Variants in CES5A observed in about 807,000 individuals in gnomAD.
The protein encoded by CES5A is carboxylesterase 5A, also known as carboxylesterase 5.
In CES5A, 67 loss-of-function variants were observed where a neutral mutation model predicts 62.9. The observed-to-expected ratio is 1.07, with a 90% CI of 0.88 to 1.31. CES5A has a LOEUF of 1.31. Among genes scored for constraint, CES5A ranks in the 50% most tolerant of loss-of-function variants. CES5A has a pLI of 0.00. For missense variants in CES5A, 748 were observed against 708.5 expected, an observed-to-expected ratio of 1.06 and a Z score of -0.63; for synonymous variants, 296 against 280.8, an observed-to-expected ratio of 1.05 and a Z score of -0.54.
chr16:55,953,296 C>CTATTA (rs1353868939), intron 1 of CES5A, among the ~76,000 whole-genome samples: 1 of 152,056 alleles, frequency 6.6e-6, no homozygotes, highest in Admixed American at 6.6e-5. Flanking sequence ...TCTATAATCA[C>CTATTA]TATTACTTTT....
intron 2 of CES5A, among the ~76,000 whole-genome samples, chr16:55,943,342 C>A (rs951046099): frequency 6.6e-6 from 1 of 152,170 alleles, no homozygotes; most frequent in Admixed American, 6.5e-5. Context: ...GAGGGAGCGA[C>A]TCCCAAGGTC....
intron 8 of CES5A, among the ~76,000 whole-genome samples, chr16:55,857,833 T>G (rs1161548079): frequency 1.3e-5 from 2 of 152,082 alleles, no homozygotes; most frequent in African/African-American, 2.4e-5. Context: ...GATGAAGGAA[T>G]GGAAGCTCAG....
In CES5A at chr16:55,863,336, C is replaced by G. The variant is rs777354497; in HGVS notation, c.810+12G>C. ...GGAGAGGAAGGTGGCAAGGTGTTAA[C>G]AGTATACGTACGTCCTCACTCTTCT... On this transcript the variant is annotated intron_variant, in intron 6 of 12. Transcript: ENST00000290567. 9.7e-6 allele frequency: 13 copies of G among 1,340,950 alleles called. No homozygotes were observed. Among genetic ancestry groups the G allele is most frequent in the Non-Finnish European group, 1.4e-5 (13 of 931,402 alleles). The allele number at this position is 1,340,950 out of a possible 1,614,324, so 83.1% of individuals were successfully genotyped here.
intron 3 of CES5A, 55 bp downstream of exon 3, chr16:55,871,570 T>C (rs2033585705): frequency 6.2e-7 from 1 of 1,603,286 alleles, no homozygotes; most frequent in Non-Finnish European, 8.5e-7. Context: ...ACTGCCTGGA[T>C]CCCAGGCCAA....
At chr16:55,859,153 C>T (rs1239478545) in intron 8 of CES5A, among the ~76,000 whole-genome samples, 2 of 152,218 alleles carry the variant, frequency 1.3e-5, no homozygotes, top group African/African-American at 2.4e-5. Context: ...GTCAAAATGC[C>T]AGAACCAAGG....
At chr16:55,916,606 TG>T (rs2142455094) in intron 1 of CES5A, among the ~76,000 whole-genome samples, 1 of 152,340 alleles carries the variant, frequency 6.6e-6, no homozygotes, top group South Asian at 2.1e-4. Context: ...CCATCAAACT[TG>T]CTTCAGCTAT....
chr16:55,894,498 C>CAAAAAAAAAAAAAA (rs370359945), intron 1 of CES5A, among the ~76,000 whole-genome samples: 4 of 102,930 alleles, frequency 3.9e-5, no homozygotes, highest in Non-Finnish European at 7.4e-5. Context: ...AACTCTGTCT[C>CAAAAAAAAAAAAAA]AAAAAAAAAA....
At chr16:55,864,859 G>C (rs2033424335) in intron 5 of CES5A, among the ~76,000 whole-genome samples, 1 of 151,082 alleles carries the variant, frequency 6.6e-6, no homozygotes, top group Non-Finnish European at 1.5e-5. Flanking sequence ...AATGAACTAT[G>C]ATCGCCCCAC....
chr16:55,865,415 G>A (rs1282297323), intron 5 of CES5A, among the ~76,000 whole-genome samples: 1 of 152,094 alleles, frequency 6.6e-6, no homozygotes, highest in Non-Finnish European at 1.5e-5. Context: ...CTGCTTTGCA[G>A]GCATCTTTAA....
At chr16:55,886,399 G>A (rs2033815700) in intron 1 of CES5A, among the ~76,000 whole-genome samples, 2 of 152,186 alleles carry the variant, frequency 1.3e-5, no homozygotes, top group Admixed American at 1.3e-4. Flanking sequence ...GGGACAGTGT[G>A]TAGATCTTTG....
chr16:55,907,983 A>G (rs570821824), intron 1 of CES5A, among the ~76,000 whole-genome samples: 1 of 152,050 alleles, frequency 6.6e-6, no homozygotes, highest in African/African-American at 2.4e-5. Flanking sequence ...CCCTCTCAAA[A>G]CTGTTAGAAA....
chr16:55,934,633 A>G (rs1348562649), intron 2 of CES5A, among the ~76,000 whole-genome samples: 1 of 151,476 alleles, frequency 6.6e-6, no homozygotes, highest in Admixed American at 6.6e-5. Context: ...AAATAGAACC[A>G]ATAGAAACCA....
At chr16:55,891,579 G>A (rs574077439) in intron 1 of CES5A, among the ~76,000 whole-genome samples, 5 of 152,306 alleles carry the variant, frequency 3.3e-5, no homozygotes, top group African/African-American at 1.2e-4. Context: ...CAGGTCACAG[G>A]TAGGTGACAG....
intron 2 of CES5A, among the ~76,000 whole-genome samples, chr16:55,872,521 T>A (rs1043499035): frequency 1.7e-4 from 26 of 152,228 alleles, no homozygotes; most frequent in Admixed American, 1.3e-4. Flanking sequence ...TTTAGTCACC[T>A]CTGTACCTCA....
At chr16:55,953,386 T>C (rs962590606) in intron 1 of CES5A, among the ~76,000 whole-genome samples, 1 of 152,136 alleles carries the variant, frequency 6.6e-6, no homozygotes, top group Non-Finnish European at 1.5e-5. Flanking sequence ...GACAAAACTG[T>C]TAGTATATGC....
intron 2 of CES5A, among the ~76,000 whole-genome samples, chr16:55,934,159 T>G (rs1224976315): frequency 6.6e-6 from 1 of 152,208 alleles, no homozygotes; most frequent in Non-Finnish European, 1.5e-5. Context: ...TTAATCCCCT[T>G]TACTCTATCA....
At chr16:55,901,241 A>G (rs1779260941) in intron 1 of CES5A, among the ~76,000 whole-genome samples, 1 of 152,148 alleles carries the variant, frequency 6.6e-6, no homozygotes, top group African/African-American at 2.4e-5. Context: ...TGACTTTGCC[A>G]TTTATTCGCC....
intron 1 of CES5A, among the ~76,000 whole-genome samples, chr16:55,884,342 C>T (rs1451251730): frequency 6.6e-6 from 1 of 152,218 alleles, no homozygotes; most frequent in African/African-American, 2.4e-5. Flanking sequence ...ATAGATATCA[C>T]ACTCCCTTAA....
At chr16:55,942,923 G>A (rs2034459845) in intron 2 of CES5A, among the ~76,000 whole-genome samples, 1 of 152,118 alleles carries the variant, frequency 6.6e-6, no homozygotes, top group Admixed American at 6.5e-5. Flanking sequence ...AGCACATACT[G>A]GGCGATTTTG....
Sources: allele counts gnomAD v4.1 joint callset (sites outside exome capture counted in the v4.1 genomes callset), GRCh38; gene constraint gnomAD v4.1.1; transcripts MANE v1.5; gene names NCBI Gene and HGNC (gene_info 2026-07-23, HGNC 2026-07-21).